The following BZW2 variants were observed in gnomAD, a reference collection of about 807,000 sequenced individuals.
The protein encoded by BZW2 is basic leucine zipper and W2 domains 2, also known as eIF5-mimic protein 1.
BZW2 carries 23 observed loss-of-function variants against 53.2 expected under a neutral mutation model. The ratio of observed to expected loss-of-function variants is 0.43; its 90% CI spans 0.31 to 0.61. The LOEUF (loss-of-function observed/expected upper bound fraction) is 0.61, where lower values mean the gene tolerates loss of function less well. Ranked by LOEUF, BZW2 falls within the 20% of genes least tolerant of loss-of-function variation. The pLI is 0.09. For missense variants in BZW2, 409 were observed against 503.1 expected (o/e 0.81, Z 1.79); for synonymous variants, 227 against 186.4 (o/e 1.22, Z -1.77).
chr7:16,698,426 A>T, intron 10 of BZW2: 1 of 429,342 alleles, frequency 2.3e-6, no homozygotes, highest in Non-Finnish European at 4.2e-6. Context: ...TGGTAGATGA[A>T]CTGGTAATTG....
At chr7:16,659,111 TA>T (rs1019184387) in intron 1 of BZW2, among the ~76,000 whole-genome samples, 12 of 151,602 alleles carry the variant, frequency 7.9e-5, no homozygotes, top group South Asian at 2.1e-4. Flanking sequence ...AAAAAAACAA[TA>T]AAAAAAGTAT....
chr7:16,646,390 A>G (rs934521674), intron 1 of BZW2, 102 bp downstream of exon 1: 1 of 165,906 alleles, frequency 6.0e-6, no homozygotes, highest in African/African-American at 2.4e-5. Flanking sequence ...GGCGGGGAGG[A>G]AGCATGTGCC....
At chr7:16,667,982 T>C (rs965002295) in intron 2 of BZW2, among the ~76,000 whole-genome samples, 30 of 152,220 alleles carry the variant, frequency 2.0e-4, no homozygotes, top group African/African-American at 7.2e-4. Context: ...AAAAAGGACA[T>C]GGATGATTTT....
chr7:16,662,337 G>A (rs1021642236), intron 1 of BZW2: 1 of 152,106 alleles, frequency 6.6e-6, no homozygotes, highest in Non-Finnish European at 1.5e-5. Context: ...GTTATCATGT[G>A]TTTCTCCACA....
chr7:16,658,883 G>GTATA (rs144431361), intron 1 of BZW2, among the ~76,000 whole-genome samples: 33 of 146,038 alleles, frequency 2.3e-4, no homozygotes, highest in African/African-American at 4.5e-4. Context: ...TCAGAAAAAT[G>GTATA]TATATATATA....
chr7:16,678,363 C>T (rs545633194), intron 3 of BZW2, among the ~76,000 whole-genome samples: 19 of 152,124 alleles, frequency 1.2e-4, no homozygotes, highest in African/African-American at 4.6e-4. Flanking sequence ...CTTAAAATAG[C>T]AGCTATCTTG....
At chr7:16,664,483 G>A (rs1400676679) in intron 1 of BZW2, among the ~76,000 whole-genome samples, 1 of 152,190 alleles carries the variant, frequency 6.6e-6, no homozygotes, top group East Asian at 1.9e-4. Context: ...GGCAGGAACA[G>A]AGCCTCAGAA....
chr7:16,658,669 G>C (rs1227595024), intron 1 of BZW2, among the ~76,000 whole-genome samples: 1 of 152,060 alleles, frequency 6.6e-6, no homozygotes, highest in Non-Finnish European at 1.5e-5. Flanking sequence ...GAGGTCAGGA[G>C]ATTGAGATCA....
intron 2 of BZW2, among the ~76,000 whole-genome samples, chr7:16,666,273 A>AT (rs1396036188): frequency 5.3e-5 from 8 of 150,844 alleles, no homozygotes; most frequent in African/African-American, 7.3e-5. Flanking sequence ...TTTTAAAAAA[A>AT]TTTTTTTGTA....
At chr7:16,656,150 T>TACACAC (rs1554264391) in intron 1 of BZW2, among the ~76,000 whole-genome samples, 4 of 150,164 alleles carry the variant, frequency 2.7e-5, no homozygotes, top group African/African-American at 1.0e-4. Context: ...TATATATATA[T>TACACAC]ACATAAATAT....
chr7:16,703,314 C>A (rs965003224), intron 10 of BZW2, among the ~76,000 whole-genome samples: 2 of 151,940 alleles, frequency 1.3e-5, no homozygotes, highest in Non-Finnish European at 2.9e-5. Context: ...TTTTAAAAAA[C>A]CTTTTATTTT....
intron 7 of BZW2, among the ~76,000 whole-genome samples, chr7:16,691,646 T>C (rs1318241632): frequency 6.6e-6 from 1 of 152,188 alleles, no homozygotes; most frequent in Non-Finnish European, 1.5e-5. Context: ...ATAGGCTGCT[T>C]CTCCACCTCT....
At chr7:16,685,563 T>A (rs1783090849) in intron 5 of BZW2, among the ~76,000 whole-genome samples, 1 of 152,260 alleles carries the variant, frequency 6.6e-6, no homozygotes, top group South Asian at 2.1e-4. Flanking sequence ...TCAGAAAACA[T>A]GTCCATCATG....
intron 1 of BZW2, among the ~76,000 whole-genome samples, chr7:16,664,042 A>T (rs146164676): frequency 6.6e-6 from 1 of 152,220 alleles, no homozygotes; most frequent in African/African-American, 2.4e-5. Context: ...CATATATTCT[A>T]TACACCCTCC....
At position 16,695,675 on chromosome 7, in the gene BZW2, T is replaced by A. The variant is rs1231572267; in HGVS notation, c.822+671T>A. Among the ~76,000 whole-genome samples, 34 of 152,220 alleles carry A rather than the reference T, an allele frequency of 2.2e-4. 1 individual carries two copies. Among genetic ancestry groups the A allele is most frequent in the Admixed American group, 2.2e-3 (34 of 15,282 alleles). On this transcript the variant is annotated intron_variant, in intron 8 of 11. Coordinates refer to ENST00000258761, the MANE Select transcript of BZW2 (RefSeq NM_014038.3). ...TTTCTATTTGAAGTTTTAAAATCTT[T>A]CATGCAACAATTTAAAAATTAATAT...
At chr7:16,663,598 A>G (rs897055715) in intron 1 of BZW2, among the ~76,000 whole-genome samples, 3 of 151,944 alleles carry the variant, frequency 2.0e-5, no homozygotes, top group African/African-American at 4.8e-5. Flanking sequence ...GTTCTTAAGG[A>G]TTTTTTAAAA....
rs141593688 is a variant in BZW2, at chr7:16,696,945, A to C, written c.853A>C (p.Arg285=). 1.4e-5 allele frequency: 23 copies of C among 1,614,020 alleles called. No individual in the cohort carries two copies. The highest frequency in any genetic ancestry group is 1.8e-5 in the Non-Finnish European group (21 of 1,179,990). Residue 285 remains arginine (R), a synonymous_variant, in exon 9 of 12, where the codon AGG becomes CGG. Coordinates refer to ENST00000258761, the MANE Select transcript of BZW2 (RefSeq NM_014038.3). ...GCTTTATGTCAAAGAAGAAATGAAG[A>C]GGAATGATCTTCCAGAAACAGCAGT... ...VVLYVKEEMK[R]NDLPETAVIG...
At chr7:16,683,503 T>C (rs818499) in intron 5 of BZW2, among the ~76,000 whole-genome samples, 53,015 of 151,968 alleles carry the variant, frequency 0.35, 12,301 homozygotes, top group African/African-American at 0.67. Flanking sequence ...TATGGAAGAA[T>C]GTAGCACAGC....
intron 7 of BZW2, among the ~76,000 whole-genome samples, chr7:16,693,051 G>T (rs1783364580): frequency 6.6e-6 from 1 of 152,170 alleles, no homozygotes; most frequent in Non-Finnish European, 1.5e-5. Context: ...ATCATCTAGG[G>T]CTTTGGCTTG....
Sources: allele counts gnomAD v4.1 joint callset (sites outside exome capture counted in the v4.1 genomes callset), GRCh38; gene constraint gnomAD v4.1.1; transcripts MANE v1.5; gene names NCBI Gene and HGNC (gene_info 2026-07-23, HGNC 2026-07-21).